PACRG: variants seen among roughly 807,000 people sequenced by gnomAD.
PACRG encodes parkin coregulated, also known as parkin coregulated gene protein.
Under a neutral mutation model 29.7 loss-of-function variants are expected in PACRG, and 29 were observed. The observed-to-expected ratio is 0.98, with a 90% confidence interval of 0.73 to 1.33. The LOEUF (loss-of-function observed/expected upper bound fraction) is 1.33, where lower values mean the gene tolerates loss of function less well. Among genes scored for constraint, PACRG ranks in the 40% most tolerant of loss-of-function variants. The pLI, the probability that PACRG is intolerant of heterozygous loss-of-function variation, is 0.00. For missense variants in PACRG, 279 were observed against 316.2 expected, an observed-to-expected ratio of 0.88 and a Z score of 0.89; for synonymous variants, 116 against 118.7, an observed-to-expected ratio of 0.98 and a Z score of 0.15.
At chr6:162,919,949 A>G (rs1461086256) in intron 2 of PACRG, among the ~76,000 whole-genome samples, 1 of 152,198 alleles carries the variant, frequency 6.6e-6, no homozygotes, top group African/African-American at 2.4e-5. Context: ...TCTTCTAAAA[A>G]GATGATCTCT....
chr6:162,992,911 A>G (rs1803587882), intron 2 of PACRG, among the ~76,000 whole-genome samples: 1 of 151,462 alleles, frequency 6.6e-6, no homozygotes, highest in African/African-American at 2.4e-5. Context: ...CACTGCTTTG[A>G]GTGCGTCCCA....
intron 2 of PACRG, among the ~76,000 whole-genome samples, chr6:162,961,331 T>C (rs1393218567): frequency 6.6e-6 from 1 of 152,216 alleles, no homozygotes; most frequent in East Asian, 1.9e-4. Context: ...CACTTGCAAC[T>C]GCAAAGTATC....
chr6:163,149,456 A>G (rs2128337776), intron 4 of PACRG, among the ~76,000 whole-genome samples: 1 of 152,222 alleles, frequency 6.6e-6, no homozygotes, highest in Non-Finnish European at 1.5e-5. Context: ...CCTGGAGAAC[A>G]CGGCCTTGTG....
At position 162,800,123 on chromosome 6, in the gene PACRG, C is replaced by T. The variant is rs776459155; in HGVS notation, c.157-14024C>T. Among the ~76,000 whole-genome samples the T allele has an allele frequency of 4.2e-4, 64 of 152,258 alleles. 1 individual carries two copies. The highest frequency in any genetic ancestry group is 6.8e-3 in the Middle Eastern group (2 of 294). The stretch of plus-strand genomic sequence containing the variant: ...CTAAATTGAAGTCTCTGATGACTCT[C>T]GGAGACAAGTTGAAGGCAAGAACTG... On this transcript the variant is annotated intron_variant, in intron 1 of 4. Transcript: ENST00000366888.
intron 4 of PACRG, among the ~76,000 whole-genome samples, chr6:163,290,266 A>ACG (rs377081564): frequency 0.093 from 11,081 of 119,712 alleles, 484 homozygotes; most frequent in East Asian, 0.15. Context: ...GTGCGCATGC[A>ACG]CGCGCGCGCG....
intron 2 of PACRG, among the ~76,000 whole-genome samples, chr6:162,909,554 C>CAAAAA (rs562001835): frequency 0.02 from 1,412 of 69,954 alleles, 51 homozygotes; most frequent in African/African-American, 0.054. Flanking sequence ...GACTCCATCT[C>CAAAAA]AAAAAAAAAA....
chr6:162,849,135 AT>A (rs1164070918), intron 2 of PACRG, among the ~76,000 whole-genome samples: 3 of 152,204 alleles, frequency 2.0e-5, no homozygotes, highest in Non-Finnish European at 4.4e-5. Flanking sequence ...AGAAGTTGAC[AT>A]TATTGGGGAA....
chr6:163,272,533 T>G (rs1783871174), intron 4 of PACRG, among the ~76,000 whole-genome samples: 1 of 152,218 alleles, frequency 6.6e-6, no homozygotes, highest in Non-Finnish European at 1.5e-5. Context: ...GTAATAGCAC[T>G]GTGTAATTCT....
At position 162,999,629 on chromosome 6, in the gene PACRG, C is replaced by A. The variant is rs542351860; in HGVS notation, c.292-62521C>A. On this transcript the variant is annotated intron_variant, in intron 2 of 4. Transcript: ENST00000366888. ...AACATTTTAGTGACACATAGAATTC[C>A]TTTCTTAAAGGGGATTAGCATTCTA... Among the ~76,000 whole-genome samples, 5 of 152,306 alleles carry A rather than the reference C, an allele frequency of 3.3e-5. No individual in the cohort carries two copies. The East Asian group carries it at 9.6e-4, about 29-fold the overall frequency.
chr6:163,017,904 A>T (rs1343985202), intron 2 of PACRG, among the ~76,000 whole-genome samples: 1 of 151,972 alleles, frequency 6.6e-6, no homozygotes, highest in Non-Finnish European at 1.5e-5. Flanking sequence ...TTTTTATGTG[A>T]CACTGTATTT....
chr6:162,823,781 G>A lies in PACRG; in HGVS notation c.291+9500G>A, dbSNP rs543085844. Among the ~76,000 whole-genome samples the A allele has an allele frequency of 2.5e-4, 38 of 152,120 alleles. 1 individual carries two copies. The South Asian group carries it at 5.2e-3, about 21-fold the overall frequency. ...GCCTGCCTAGGCCTCCCAAAGTGCTGGGATTACAGGCCTGAACCACCGCGC... is the reference window on the plus strand; with the variant it reads ...GCCTGCCTAGGCCTCCCAAAGTGCTAGGATTACAGGCCTGAACCACCGCGC... On this transcript the variant is annotated intron_variant, in intron 2 of 4. Transcript: ENST00000366888.
chr6:163,042,332 A>G (rs549563617), intron 2 of PACRG, among the ~76,000 whole-genome samples: 12 of 152,320 alleles, frequency 7.9e-5, no homozygotes, highest in African/African-American at 2.9e-4. Flanking sequence ...CATCCTAAAT[A>G]GCGATGCTTG....
chr6:162,773,309 T>C (rs1338523218), intron 1 of PACRG, among the ~76,000 whole-genome samples: 1 of 152,128 alleles, frequency 6.6e-6, no homozygotes, highest in Non-Finnish European at 1.5e-5. Context: ...CAAAATTCTG[T>C]CATGGTTTTC....
chr6:163,296,247 A>G (rs1398954432), intron 4 of PACRG, among the ~76,000 whole-genome samples: 2 of 152,168 alleles, frequency 1.3e-5, no homozygotes, highest in African/African-American at 4.8e-5. Context: ...AACAATCATA[A>G]CAGGACTTAA....
At chr6:162,898,500 T>C (rs757933882) in intron 2 of PACRG, among the ~76,000 whole-genome samples, 1 of 152,246 alleles carries the variant, frequency 6.6e-6, no homozygotes, top group Non-Finnish European at 1.5e-5. Context: ...TCAGAAATTT[T>C]CACACAATGG....
chr6:163,277,492 T>C, intron 4 of PACRG, among the ~76,000 whole-genome samples: 1 of 78,814 alleles, frequency 1.3e-5, no homozygotes, highest in South Asian at 3.9e-4. Flanking sequence ...TGTATATATA[T>C]ATACACACAT....
intron 4 of PACRG, among the ~76,000 whole-genome samples, chr6:163,305,299 C>G (rs1365599799): frequency 1.3e-5 from 2 of 152,236 alleles, no homozygotes; most frequent in Admixed American, 1.3e-4. Context: ...TAAGTGACTT[C>G]AATGTGGCTT....
At chr6:163,048,190 C>T (rs1188717083) in intron 2 of PACRG, among the ~76,000 whole-genome samples, 2 of 152,038 alleles carry the variant, frequency 1.3e-5, no homozygotes, top group East Asian at 3.9e-4. Flanking sequence ...CTTGTGTTAC[C>T]ACATTAGCTA....
intron 2 of PACRG, among the ~76,000 whole-genome samples, chr6:162,882,092 G>T (rs1038125945): frequency 2.3e-5 from 3 of 131,546 alleles, no homozygotes; most frequent in South Asian, 2.6e-4. Context: ...GACTCGGGGT[G>T]GGGGGGCGCA....
Sources: allele counts gnomAD v4.1 joint callset (sites outside exome capture counted in the v4.1 genomes callset), GRCh38; gene constraint gnomAD v4.1.1; transcripts MANE v1.5; gene names NCBI Gene and HGNC (gene_info 2026-07-23, HGNC 2026-07-21).